PRKN: variants seen among roughly 807,000 people sequenced by gnomAD.
The protein encoded by PRKN is E3 ubiquitin-protein ligase parkin.
PRKN carries 56 observed loss-of-function variants against 59.5 expected under a neutral mutation model. The observed-to-expected ratio is 0.94, with a 90% confidence interval of 0.76 to 1.18. The LOEUF (loss-of-function observed/expected upper bound fraction) is 1.18. PRKN is among the 50% of genes most tolerant of loss of function. The pLI is 0.00. For synonymous variants in PRKN, 250 were observed against 222.1 expected (o/e 1.13, Z -1.12); for missense variants, 657 against 596.4 (o/e 1.10, Z -1.06).
intron 5 of PRKN, among the ~76,000 whole-genome samples, chr6:161,977,705 G>A (rs1352781805): frequency 2.0e-5 from 3 of 151,406 alleles, no homozygotes; most frequent in Non-Finnish European, 2.9e-5. Context: ...CCGCCACCAC[G>A]CCCGGCTACT....
At position 161,405,513 on chromosome 6, in the gene PRKN, G is replaced by T. The variant is rs1158264778; in HGVS notation, c.1084-18636C>A. Reference sequence around the variant, plus strand: ...GAATTGCTTGAACCCAAGATGTGCAGGTTGTAGTGACCCAAGATCGTGCCA... The same window carrying T: ...GAATTGCTTGAACCCAAGATGTGCATGTTGTAGTGACCCAAGATCGTGCCA... On this transcript the variant is annotated intron_variant, in intron 9 of 11. Transcript: ENST00000366898. The surrounding 1 kb of genome is among the most constrained non-coding windows in gnomAD (Gnocchi z 5.1). Among the ~76,000 whole-genome samples, 1 of 151,980 alleles carries T rather than the reference G, an allele frequency of 6.6e-6. No individual in the cohort carries two copies. Among genetic ancestry groups the T allele is most frequent in the African/African-American group, 2.4e-5 (1 of 41,336 alleles).
chr6:162,081,141 T>A (rs1463101214), intron 4 of PRKN, among the ~76,000 whole-genome samples: 3 of 152,072 alleles, frequency 2.0e-5, no homozygotes, highest in Non-Finnish European at 2.9e-5. Context: ...CTTAAAGTCA[T>A]CCATGAGGGT....
Position 161,540,057 on chromosome 6 carries a change from G to C in PRKN, c.1083+8797C>G, listed in dbSNP as rs528699828. ...TCAGAATGCTGGGGGTTGGGGAGATGCAAGCTGCCTGTCTGGTGGGGGGCC... is the reference window on the plus strand; with the variant it reads ...TCAGAATGCTGGGGGTTGGGGAGATCCAAGCTGCCTGTCTGGTGGGGGGCC... On this transcript the variant is annotated intron_variant, in intron 9 of 11. Coordinates refer to ENST00000366898, the MANE Select transcript of PRKN (RefSeq NM_004562.3). Among the ~76,000 whole-genome samples, 227 of 152,218 alleles carry C rather than the reference G, an allele frequency of 1.5e-3. 1 individual carries two copies. Among genetic ancestry groups the C allele is most frequent in the Admixed American group, 2.4e-3 (37 of 15,284 alleles).
intron 1 of PRKN, among the ~76,000 whole-genome samples, chr6:162,644,944 A>T (rs974995863): frequency 2.0e-5 from 3 of 152,222 alleles, no homozygotes; most frequent in Non-Finnish European, 4.4e-5. Context: ...ATGCATATAG[A>T]GAACTTAGCA....
intron 4 of PRKN, among the ~76,000 whole-genome samples, chr6:162,094,773 G>A (rs6934066): frequency 0.1 from 15,746 of 152,070 alleles, 996 homozygotes; most frequent in African/African-American, 0.17. Flanking sequence ...GACTTAGTTT[G>A]CCCACATTTA....
At chr6:162,618,532 C>A (rs1021671220) in intron 1 of PRKN, among the ~76,000 whole-genome samples, 1 of 152,082 alleles carries the variant, frequency 6.6e-6, no homozygotes, top group Admixed American at 6.5e-5. Flanking sequence ...ATCCCGTGTT[C>A]AGGAAAGTAA....
chr6:161,679,312 G>C (rs1449032007), intron 7 of PRKN, among the ~76,000 whole-genome samples: 2 of 152,158 alleles, frequency 1.3e-5, no homozygotes, highest in Non-Finnish European at 2.9e-5. Flanking sequence ...CTGTATCCTG[G>C]GGCTGCTAAA....
intron 3 of PRKN, among the ~76,000 whole-genome samples, chr6:162,250,801 G>A (rs1257716061): frequency 1.3e-5 from 2 of 152,124 alleles, no homozygotes; most frequent in Non-Finnish European, 1.5e-5. Context: ...AATTCTTACA[G>A]GAAAAGCTAG....
At chr6:162,368,284 C>T (rs1785560721) in intron 2 of PRKN, among the ~76,000 whole-genome samples, 1 of 152,068 alleles carries the variant, frequency 6.6e-6, no homozygotes, top group South Asian at 2.1e-4. Context: ...TCTTATGACT[C>T]TAAAATGTAT....
intron 1 of PRKN, among the ~76,000 whole-genome samples, chr6:162,559,207 A>T (rs1341516652): frequency 6.6e-6 from 1 of 152,056 alleles, no homozygotes; most frequent in Non-Finnish European, 1.5e-5. Flanking sequence ...AAACTCAAAC[A>T]TTTTTGTGTT....
Position 162,026,227 on chromosome 6 carries a change from T to C in PRKN, c.618+27864A>G, listed in dbSNP as rs73785327. ...GAAGACAGAGAACTCTTATATGTAT[T>C]CGCGTATTCATAGACACATGACAAA... On this transcript the variant is annotated intron_variant, in intron 5 of 11. Transcript: ENST00000366898. Among the ~76,000 whole-genome samples the C allele has an allele frequency of 5.9e-3, 892 of 152,324 alleles. 11 individuals carry two copies. The highest frequency in any genetic ancestry group is 0.021 in the African/African-American group (868 of 41,576).
At chr6:161,757,875 GTATA>G (rs369226880) in intron 7 of PRKN, among the ~76,000 whole-genome samples, 1 of 23,472 alleles carries the variant, frequency 4.3e-5, no homozygotes, top group African/African-American at 1.2e-4. Context: ...CTCTCTCTGT[GTATA>G]TATATATACA....
At chr6:162,035,164 GAT>G (rs57612771) in intron 5 of PRKN, among the ~76,000 whole-genome samples, 92,403 of 150,600 alleles carry the variant, frequency 0.61, 29,772 homozygotes, top group African/African-American at 0.83. Flanking sequence ...GCCAGAGAGA[GAT>G]ATATATATAT....
intron 2 of PRKN, among the ~76,000 whole-genome samples, chr6:162,431,417 A>G (rs1478175123): frequency 6.6e-6 from 1 of 152,086 alleles, no homozygotes; most frequent in South Asian, 2.1e-4. Context: ...ATCTATAAAA[A>G]CACTATATGT....
intron 4 of PRKN, among the ~76,000 whole-genome samples, chr6:162,199,844 TC>T (rs1391366141): frequency 6.6e-6 from 1 of 152,136 alleles, no homozygotes; most frequent in East Asian, 1.9e-4. Flanking sequence ...ATTAGGTGGA[TC>T]TTTTGAGTTC....
Position 162,264,016 on chromosome 6 carries a change from G to A in PRKN, c.172-1251C>T, listed in dbSNP as rs538016634. On this transcript the variant is annotated intron_variant, in intron 2 of 11. Coordinates refer to ENST00000366898, the MANE Select transcript of PRKN (RefSeq NM_004562.3). ...TGGCCGGCCGCAGTGGCTCACACCT[G>A]TAATCCCAGCACTTTGGGAGGCCAA... Among the ~76,000 whole-genome samples the A allele has an allele frequency of 4.6e-5, 7 of 152,050 alleles. No homozygotes were observed. The South Asian group carries it at 1.0e-3, about 23-fold the overall frequency.
intron 5 of PRKN, among the ~76,000 whole-genome samples, chr6:162,028,083 T>C (rs1302696978): frequency 6.6e-6 from 1 of 152,180 alleles, no homozygotes; most frequent in African/African-American, 2.4e-5. Context: ...AGAACTGTCA[T>C]GTCATTAGGC....
intron 8 of PRKN, among the ~76,000 whole-genome samples, chr6:161,565,435 C>T (rs767460239): frequency 6.6e-6 from 1 of 152,104 alleles, no homozygotes; most frequent in Non-Finnish European, 1.5e-5. Context: ...ATAATGCCCA[C>T]ACGTCAAGGG....
chr6:162,155,846 A>G (rs1195589412), intron 4 of PRKN, among the ~76,000 whole-genome samples: 1 of 152,112 alleles, frequency 6.6e-6, no homozygotes, highest in Admixed American at 6.5e-5. Flanking sequence ...TTGGCTAAAG[A>G]AGGAACTAAA....
Sources: gnomAD v4.1 joint callset for allele counts (sites outside exome capture counted in the v4.1 genomes callset) on GRCh38, gnomAD v4.1.1 for gene constraint, Gnocchi (gnomAD v3.1) non-coding constraint, MANE v1.5 for transcripts, NCBI Gene and HGNC (gene_info 2026-07-23, HGNC 2026-07-21) for gene names.